The following FAM161B variants were observed in gnomAD, a reference collection of about 807,000 sequenced individuals.
The protein encoded by FAM161B is protein FAM161B.
Under a neutral mutation model 61.5 loss-of-function variants are expected in FAM161B, and 46 were observed. That is an observed-to-expected ratio of 0.75 (90% CI 0.59 to 0.96). FAM161B has a LOEUF of 0.96. Ranked by LOEUF, FAM161B falls within the 40% of genes least tolerant of loss-of-function variation. The pLI, the probability that FAM161B is intolerant of heterozygous loss-of-function variation, is 0.00. For missense variants in FAM161B, 774 were observed against 800.7 expected, an observed-to-expected ratio of 0.97 and a Z score of 0.40; for synonymous variants, 284 against 302.7, an observed-to-expected ratio of 0.94 and a Z score of 0.64.
downstream of FAM161B, among the ~76,000 whole-genome samples, chr14:73,926,686 C>T (rs372615670): frequency 2.0e-5 from 3 of 152,122 alleles, no homozygotes; most frequent in Admixed American, 6.5e-5. Flanking sequence ...CCACCCACCT[C>T]GGCCTCCCAA....
Position 73,944,762 on chromosome 14 carries a change from T to A in FAM161B, c.498A>T (p.Ala166=), listed in dbSNP as rs1263582557. The part of the protein sequence containing the change: ...PSQHRSVSSW[A]SSITVPRPFR... The stretch of plus-strand genomic sequence containing the variant: ...ATGGCCGAGGGACAGTAATGGATGA[T>A]GCCCAGGAGCTGACGCTTCTGTGCT... The change falls in exon 3 of 9, where the codon GCA becomes GCT. Residue 166 remains alanine, a synonymous_variant. Coordinates refer to ENST00000286544, the MANE Select transcript of FAM161B (RefSeq NM_152445.3). The A allele has an allele frequency of 1.1e-5, 17 of 1,594,592 alleles. 1 individual carries two copies. The Admixed American group carries it at 2.9e-4, about 27-fold the overall frequency.
chr14:73,922,976 G>A, the FAM161B span: 1 of 152,738 alleles, frequency 6.5e-6, no homozygotes, highest in East Asian at 1.9e-4. Flanking sequence ...GATTTTCATG[G>A]TGATCCCACT....
the FAM161B span, chr14:73,923,572 G>A: frequency 6.3e-7 from 1 of 1,575,336 alleles, no homozygotes; most frequent in Non-Finnish European, 8.6e-7. Flanking sequence ...TGTGGGGAAT[G>A]ATTGAGAATT....
chr14:73,948,949 T>C (rs2056096178), intron 1 of FAM161B, among the ~76,000 whole-genome samples: 1 of 151,882 alleles, frequency 6.6e-6, no homozygotes, highest in Admixed American at 6.6e-5. Context: ...AGACGGAGTC[T>C]CGCTCTGTCG....
chr14:73,937,516 A>T, intron 7 of FAM161B, 86 bp downstream of exon 7: 1 of 1,306,458 alleles, frequency 7.7e-7, no homozygotes, highest in South Asian at 1.3e-5. Context: ...GGAAAATTTT[A>T]ATACCCACAT....
intron 1 of FAM161B, 138 bp downstream of exon 1, chr14:73,949,835 C>CGG (rs2140354123): frequency 8.0e-7 from 1 of 1,254,454 alleles, no homozygotes; most frequent in East Asian, 2.3e-5. Context: ...AAGTCAGAGT[C>CGG]CGCCTCCTGG....
intron 8 of FAM161B, among the ~76,000 whole-genome samples, chr14:73,935,017 T>C (rs2055959184): frequency 6.6e-6 from 1 of 150,906 alleles, no homozygotes; most frequent in South Asian, 2.1e-4. Context: ...GAGCCAAGAC[T>C]GCGCCACTGC....
chr14:73,928,570 G>A (rs993408949), downstream of FAM161B, among the ~76,000 whole-genome samples: 1 of 152,120 alleles, frequency 6.6e-6, no homozygotes, highest in Non-Finnish European at 1.5e-5. Context: ...CACAAGTCTT[G>A]GAATTGGCCT....
In FAM161B at chr14:73,932,494, TA is replaced by T; in HGVS notation, c.*1761del. On this transcript the variant is annotated 3_prime_UTR_variant, in exon 9 of 9. Coordinates refer to ENST00000286544, the MANE Select transcript of FAM161B (RefSeq NM_152445.3). ...AAAGACGCATCTGAGAAAATGGCAATAAAAACAGATACTTCTGAATTTTTCC... is the reference window on the plus strand; with the variant it reads ...AAAGACGCATCTGAGAAAATGGCAATAAAACAGATACTTCTGAATTTTTCC... 2.2e-6 allele frequency: 1 copy of T among 452,726 alleles called. No individual in the cohort carries two copies. Among genetic ancestry groups the T allele is most frequent in the Non-Finnish European group, 4.4e-6 (1 of 226,092 alleles). The allele number at this position is 452,726 out of a possible 1,614,324, so 28.0% of individuals were successfully genotyped here. A position where few individuals can be genotyped will look rare whatever the true frequency, so the allele number is the denominator to read the frequency against.
intron 4 of FAM161B, 85 bp from the exon 5 acceptor site, chr14:73,941,138 AGTCTC>A: frequency 7.2e-7 from 1 of 1,381,498 alleles, no homozygotes; most frequent in Non-Finnish European, 9.5e-7. Context: ...TTTGAGACAG[AGTCTC>A]GTCTCGCTCT....
At chr14:73,940,417 C>G (rs1030432853) in intron 5 of FAM161B, among the ~76,000 whole-genome samples, 13 of 152,220 alleles carry the variant, frequency 8.5e-5, no homozygotes, top group Admixed American at 6.5e-4. Flanking sequence ...TTCCTCACTA[C>G]TCCCTTCCTC....
In FAM161B at chr14:73,932,298, A is replaced by G. The variant is rs576743789; in HGVS notation, c.*1958T>C. The G allele has an allele frequency of 1.5e-5, 5 of 338,348 alleles. No homozygotes were observed. Among genetic ancestry groups the G allele is most frequent in the South Asian group, 1.2e-4 (5 of 42,038 alleles). The allele number at this position is 338,348 out of a possible 1,614,324, so 21.0% of individuals were successfully genotyped here. A position where few individuals can be genotyped will look rare whatever the true frequency, so the allele number is the denominator to read the frequency against. On this transcript the variant is annotated 3_prime_UTR_variant, in exon 9 of 9. Coordinates refer to ENST00000286544, the MANE Select transcript of FAM161B (RefSeq NM_152445.3). ...CAGTCAGTTCTTTGGCTCTTGTTTT[A>G]TACAAAATTTGTTTTCTTAGAGATT... is the stretch of plus-strand genomic sequence containing the variant.
chr14:73,937,656 C>T lies in FAM161B; in HGVS notation c.1611G>A (p.Glu537=), dbSNP rs745465456. The T allele has an allele frequency of 4.3e-6, 7 of 1,614,128 alleles. No individual in the cohort carries two copies. The highest frequency in any genetic ancestry group is 5.9e-6 in the Non-Finnish European group (7 of 1,180,008). Residue 537 remains glutamate, a synonymous_variant, in exon 7 of 9, where the codon GAG becomes GAA. Transcript: ENST00000286544. ...TTGTTTGTATTCGCTGCTTCATTTCCTCCAGTTCTTTCTTATATTCTTTCG... is the reference window on the plus strand; with the variant it reads ...TTGTTTGTATTCGCTGCTTCATTTCTTCCAGTTCTTTCTTATATTCTTTCG... ...KRAKEYKKEL[E]EMKQRIQTRP...
chr14:73,949,968 C>T lies in FAM161B; in HGVS notation c.54+5G>A, dbSNP rs780426997. 2 of 1,613,642 alleles carry T rather than the reference C, an allele frequency of 1.2e-6. No homozygotes were observed. Among genetic ancestry groups the T allele is most frequent in the African/African-American group, 1.3e-5 (1 of 75,018 alleles). ...TCCCGGGGGCAGTCTCTTTTCTCTC[C>T]TCACCTGACGGCTCCCCTCCGCGCC... is the stretch of plus-strand genomic sequence containing the variant. On this transcript the variant is annotated splice_donor_5th_base_variant and intron_variant, in intron 1 of 8. Transcript: ENST00000286544.
At chr14:73,935,256 G>T (rs1331235175) in intron 8 of FAM161B, among the ~76,000 whole-genome samples, 2 of 151,300 alleles carry the variant, frequency 1.3e-5, no homozygotes, top group African/African-American at 4.9e-5. Flanking sequence ...GGCCGGGCGC[G>T]GTCACTCACG....
intron 5 of FAM161B, among the ~76,000 whole-genome samples, chr14:73,938,351 C>T (rs1055617484): frequency 1.3e-5 from 2 of 151,974 alleles, no homozygotes; most frequent in East Asian, 1.9e-4. Flanking sequence ...CCCAACTACT[C>T]GGGAGGCTGA....
chr14:73,937,988 T>A lies in FAM161B; in HGVS notation c.1525A>T (p.Ser509Cys), dbSNP rs538946296. ...TTTGCTTTGAACACTTCCTCCAGGC[T>A]TTTATGGGGATCCATGGCTTTTGCA... The part of the protein sequence containing the change: ...LRAKAMDPHK[S>C]LEEVFKAKLK... The change falls in exon 6 of 9, where the codon AGC becomes TGC. Residue 509 changes from serine (S) to cysteine (C), a missense_variant. Transcript: ENST00000286544. 2.0e-5 allele frequency: 32 copies of A among 1,614,244 alleles called. No individual in the cohort carries two copies. In the African/African-American group the frequency reaches 3.6e-4, roughly 18 times the overall value.
chr14:73,934,484 A>AG, intron 8 of FAM161B, 90 bp from the exon 9 acceptor site: 16 of 1,293,666 alleles, frequency 1.2e-5, no homozygotes, highest in South Asian at 4.4e-5. Flanking sequence ...CAGTGGCATG[A>AG]TCTCAGCTCA....
At chr14:73,937,381 A>AAT (rs1224436208) in intron 7 of FAM161B, among the ~76,000 whole-genome samples, 1 of 152,198 alleles carries the variant, frequency 6.6e-6, no homozygotes, top group African/African-American at 2.4e-5. Context: ...TAGGAAGTGA[A>AAT]ATATCCCTTT....
Sources: gnomAD v4.1 joint callset for allele counts (sites outside exome capture counted in the v4.1 genomes callset) on GRCh38, gnomAD v4.1.1 for gene constraint, MANE v1.5 for transcripts, NCBI Gene and HGNC (gene_info 2026-07-23, HGNC 2026-07-21) for gene names.